The following ARHGAP21 variants were observed in gnomAD, a reference collection of about 807,000 sequenced individuals.
ARHGAP21 encodes rho GTPase-activating protein 21.
A neutral mutation model predicts 164.6 loss-of-function variants in ARHGAP21; 38 were observed. That is an observed-to-expected ratio of 0.23 (90% CI 0.18 to 0.30). The LOEUF is 0.30. Ranked by LOEUF, ARHGAP21 falls within the 10% of genes least tolerant of loss-of-function variation. ARHGAP21 has a pLI of 1.00. For missense variants in ARHGAP21, 1,822 were observed against 2,370.7 expected, an observed-to-expected ratio of 0.77 and a Z score of 4.81; for synonymous variants, 766 against 857.9, an observed-to-expected ratio of 0.89 and a Z score of 1.87.
rs1834345382 is a variant in ARHGAP21 at position 24,619,628 on chromosome 10, T to G, written c.2267A>C (p.Tyr756Ser). The stretch of plus-strand genomic sequence containing the variant: ...CTCCTGGTCATTTACTGCCAAGATG[T>G]AAGACTGATGCCTTAAAGGCTGCGG... ...QTPQPLRHQS[Y>S]ILAVNDQETG... Residue 756 changes from tyrosine (Y) to serine (S), a missense_variant, in exon 9 of 26, where the codon TAC becomes TCC. Physicochemically the swap from Tyr to Ser is moderately radical, Grantham distance 144. This residue lies in a region of ARHGAP21 where 1,090 missense variants were observed against 1,378.9 expected (regional missense o/e 0.79). Coordinates refer to ENST00000396432, the MANE Select transcript of ARHGAP21 (RefSeq NM_020824.4). The G allele has an allele frequency of 6.2e-7, 1 of 1,614,076 alleles. No homozygotes were observed. The highest frequency in any genetic ancestry group is 8.5e-7 in the Non-Finnish European group (1 of 1,180,036).
chr10:24,598,952 C>T (rs570040792), intron 14 of ARHGAP21, among the ~76,000 whole-genome samples: 2 of 152,276 alleles, frequency 1.3e-5, no homozygotes, highest in East Asian at 1.9e-4. Context: ...GATAATAGGA[C>T]ACATTCATAT....
intron 4 of ARHGAP21, among the ~76,000 whole-genome samples, chr10:24,663,681 C>T (rs1388556964): frequency 3.9e-5 from 6 of 152,034 alleles, no homozygotes; most frequent in Non-Finnish European, 7.4e-5. Context: ...AGCGTGCATC[C>T]CCACCCCTGG....
chr10:24,663,359 C>T (rs1379590288), intron 4 of ARHGAP21, among the ~76,000 whole-genome samples: 1 of 152,150 alleles, frequency 6.6e-6, no homozygotes, highest in African/African-American at 2.4e-5. Flanking sequence ...TAAAAGATCA[C>T]CGGATATGCA....
intron 9 of ARHGAP21, among the ~76,000 whole-genome samples, chr10:24,608,157 C>CTGAT (rs749300967): frequency 5.9e-5 from 9 of 152,138 alleles, no homozygotes; most frequent in Non-Finnish European, 8.8e-5. Flanking sequence ...CCTTCACTAA[C>CTGAT]TGATTGTCAA....
chr10:24,596,959 T>TATCA (rs1471338890), intron 16 of ARHGAP21, 77 bp from the exon 17 acceptor site: 1 of 1,440,888 alleles, frequency 6.9e-7, no homozygotes, highest in African/African-American at 1.5e-5. Context: ...AAAAACACTT[T>TATCA]ATCAATGTTT....
intron 9 of ARHGAP21, among the ~76,000 whole-genome samples, chr10:24,618,732 G>A (rs180751346): frequency 1.3e-5 from 2 of 152,306 alleles, no homozygotes; most frequent in Admixed American, 6.5e-5. Context: ...CCATCAGAGA[G>A]GGAGTTGTGA....
chr10:24,591,523 A>AC, intron 23 of ARHGAP21, 119 bp downstream of exon 23: 1 of 1,325,244 alleles, frequency 7.5e-7, no homozygotes, highest in Middle Eastern at 1.9e-4. Context: ...TGAGCTAGAG[A>AC]CCTGCTTCCG....
At chr10:24,682,173 T>G (rs1328013145) in intron 2 of ARHGAP21, among the ~76,000 whole-genome samples, 2 of 151,530 alleles carry the variant, frequency 1.3e-5, no homozygotes, top group Non-Finnish European at 2.9e-5. Flanking sequence ...AAACGTATTG[T>G]GATACCACTT....
chr10:24,619,800 T>C lies in ARHGAP21; in HGVS notation c.2095A>G (p.Asn699Asp), dbSNP rs1347885259. 3 of 1,614,030 alleles carry C rather than the reference T, an allele frequency of 1.9e-6. No homozygotes were observed. Among genetic ancestry groups the C allele is most frequent in the African/African-American group, 2.7e-5 (2 of 74,906 alleles). The change falls in exon 9 of 26, where the codon AAC (asparagine) becomes GAC (aspartate). Residue 699 changes from asparagine (N) to aspartate (D), a missense_variant. Physicochemically the swap from Asn to Asp is conservative, Grantham distance 23 (BLOSUM62 1). Around this residue, in one of 5 missense-constraint regions of ARHGAP21, gnomAD observed 1,090 missense variants for 1,378.9 expected, o/e 0.79. Transcript: ENST00000396432. ...SAKPAPQSSE[N>D]AGTSDLELPV... ...AGTTCTAAATCTGAAGTACCAGCGT[T>C]TTCACTCGACTGAGGGGCAGGCTTG...
intron 4 of ARHGAP21, among the ~76,000 whole-genome samples, chr10:24,662,962 G>A (rs550758924): frequency 4.7e-4 from 38 of 81,136 alleles, no homozygotes; most frequent in East Asian, 1.3e-3. Flanking sequence ...GCAGATATGC[G>A]GATTTTTTTT....
chr10:24,670,573 A>C (rs1840607747), intron 2 of ARHGAP21, among the ~76,000 whole-genome samples, 176 bp from the exon 3 acceptor site: 1 of 152,152 alleles, frequency 6.6e-6, no homozygotes, highest in African/African-American at 2.4e-5. Context: ...ATTATAACAA[A>C]GCAAGCAATT....
intron 2 of ARHGAP21, among the ~76,000 whole-genome samples, chr10:24,692,991 G>A (rs887121717): frequency 6.6e-6 from 1 of 151,840 alleles, no homozygotes; most frequent in African/African-American, 2.4e-5. Flanking sequence ...AAACACAACA[G>A]GTGCATACAG....
chr10:24,598,658 T>C (rs770314794), intron 14 of ARHGAP21, among the ~76,000 whole-genome samples: 2 of 152,188 alleles, frequency 1.3e-5, no homozygotes, highest in Non-Finnish European at 2.9e-5. Flanking sequence ...CAATTATACA[T>C]TGATATTGAC....
chr10:24,612,490 C>T (rs1025283172), intron 9 of ARHGAP21, among the ~76,000 whole-genome samples: 1 of 152,184 alleles, frequency 6.6e-6, no homozygotes, highest in African/African-American at 2.4e-5. Context: ...GCAAAATACG[C>T]TTAAAATCTT....
intron 3 of ARHGAP21, among the ~76,000 whole-genome samples, chr10:24,667,346 T>C (rs1264308113): frequency 6.6e-6 from 1 of 152,174 alleles, no homozygotes; most frequent in Non-Finnish European, 1.5e-5. Context: ...CTAATGGAGA[T>C]ATCCAAGTGA....
At chr10:24,652,079 C>T (rs1015070295) in intron 4 of ARHGAP21, among the ~76,000 whole-genome samples, 7 of 152,120 alleles carry the variant, frequency 4.6e-5, no homozygotes, top group African/African-American at 7.2e-5. Context: ...CAATCTCCGT[C>T]GCATATTCTT....
In ARHGAP21 at chr10:24,620,587, C is replaced by A; in HGVS notation, c.1308G>T (p.Gln436His). 6.2e-7 allele frequency: 1 copy of A among 1,614,200 alleles called. No individual in the cohort carries two copies. The highest frequency in any genetic ancestry group is 8.5e-7 in the Non-Finnish European group (1 of 1,180,034). ...CATGAGAGGTGCTTCGACGTCGTCC[C>A]TGCAAAGTAGTGCGGTTGGGGACGA... is the stretch of plus-strand genomic sequence containing the variant. ...NQVVPNRTTL[Q>H]GRRRSTSHDR... The change falls in exon 9 of 26, where the codon CAG becomes CAT. Residue 436 changes from glutamine (Q) to histidine (H), a missense_variant. Physicochemically the swap from Gln to His is conservative, Grantham distance 24. Transcript: ENST00000396432.
At chr10:24,648,651 G>A (rs974135932) in intron 4 of ARHGAP21, among the ~76,000 whole-genome samples, 1 of 151,998 alleles carries the variant, frequency 6.6e-6, no homozygotes, top group East Asian at 1.9e-4. Flanking sequence ...GTGGTGGTAG[G>A]TGCCTATAAA....
At chr10:24,603,386 T>C (rs887122292) in intron 12 of ARHGAP21, among the ~76,000 whole-genome samples, 13 of 152,176 alleles carry the variant, frequency 8.5e-5, no homozygotes, top group African/African-American at 2.7e-4. Flanking sequence ...TGAATGTCAG[T>C]GTTGTTCTGA....
Sources: gnomAD v4.1 joint callset for allele counts (sites outside exome capture counted in the v4.1 genomes callset) on GRCh38, gnomAD v4.1.1 for gene constraint, gnomAD v4.1.1 regional missense constraint, MANE v1.5 for transcripts, NCBI Gene and HGNC (gene_info 2026-07-23, HGNC 2026-07-21) for gene names.